KCNK13: variants seen among roughly 807,000 people sequenced by gnomAD.
KCNK13 encodes the protein potassium channel subfamily K member 13.
Under a neutral mutation model 23.4 loss-of-function variants are expected in KCNK13, and 12 were observed. That is an observed-to-expected ratio of 0.51 (90% CI 0.33 to 0.83). The LOEUF (loss-of-function observed/expected upper bound fraction) is 0.83, where lower values mean the gene tolerates loss of function less well. Ranked by LOEUF, KCNK13 falls within the 40% of genes least tolerant of loss-of-function variation. The pLI, the probability that KCNK13 is intolerant of heterozygous loss-of-function variation, is 0.02. For missense variants in KCNK13, 463 were observed against 556.3 expected, an observed-to-expected ratio of 0.83 and a Z score of 1.69; for synonymous variants, 231 against 229.5, an observed-to-expected ratio of 1.01 and a Z score of -0.06.
rs1395290281 is a variant in KCNK13 at position 90,185,121 on chromosome 14, C to T, written c.*118C>T. On this transcript the variant is annotated 3_prime_UTR_variant, in exon 2 of 2. Coordinates refer to ENST00000282146, the MANE Select transcript of KCNK13 (RefSeq NM_022054.4). ...CCTTCTGGGAGCTGTTCCCGGGAGC[C>T]TCCGCAAGCATCTTTAGAAATCTGA... is the stretch of plus-strand genomic sequence containing the variant. 5.5e-6 allele frequency: 5 copies of T among 904,236 alleles called. No homozygotes were observed. Among genetic ancestry groups the T allele is most frequent in the Non-Finnish European group, 7.9e-6 (5 of 631,200 alleles). 56.0% of individuals were successfully genotyped at this position (904,236 alleles called of 1,614,324 possible). A position where few individuals can be genotyped will look rare whatever the true frequency, so the allele number is the denominator to read the frequency against.
At position 90,117,667 on chromosome 14, in the gene KCNK13, T is replaced by C. The variant is rs1026540109; in HGVS notation, c.334+55128T>C. Among the ~76,000 whole-genome samples, 49 of 152,336 alleles carry C rather than the reference T, an allele frequency of 3.2e-4. 2 individuals are homozygous for C. The highest frequency in any genetic ancestry group is 1.2e-3 in the African/African-American group (48 of 41,578). The stretch of plus-strand genomic sequence containing the variant: ...TGGACCATAGTTGACCACAGGTAAC[T>C]GAAACCTCAGAAAGCAAAACCTTAC... On this transcript the variant is annotated intron_variant, in intron 1 of 1. Coordinates refer to ENST00000282146, the MANE Select transcript of KCNK13 (RefSeq NM_022054.4).
At chr14:90,156,258 A>T (rs576447017) in intron 1 of KCNK13, among the ~76,000 whole-genome samples, 86 of 151,792 alleles carry the variant, frequency 5.7e-4, no homozygotes, top group African/African-American at 1.9e-3. Flanking sequence ...TAAAATCATG[A>T]CACCAAATGA....
At chr14:90,122,929 A>G (rs893465923) in intron 1 of KCNK13, among the ~76,000 whole-genome samples, 1 of 152,012 alleles carries the variant, frequency 6.6e-6, no homozygotes, top group Non-Finnish European at 1.5e-5. Flanking sequence ...GTCACACACT[A>G]TCTCAGCACT....
chr14:90,152,962 C>G (rs1890153624), intron 1 of KCNK13, among the ~76,000 whole-genome samples: 2 of 152,156 alleles, frequency 1.3e-5, no homozygotes, highest in Admixed American at 1.3e-4. Context: ...TGACATTTCC[C>G]TAGCTTTGCC....
intron 1 of KCNK13, among the ~76,000 whole-genome samples, chr14:90,064,336 C>A (rs1190652194): frequency 8.6e-6 from 1 of 115,854 alleles, no homozygotes; most frequent in Non-Finnish European, 2.1e-5. Flanking sequence ...TCTCTTGGTG[C>A]TCCCAGTGGG....
chr14:90,122,320 ATT>A (rs34511761), intron 1 of KCNK13, among the ~76,000 whole-genome samples: 157 of 144,232 alleles, frequency 1.1e-3, no homozygotes, highest in Middle Eastern at 3.6e-3. Context: ...TTCACCCATA[ATT>A]TTTTTTTTTT....
chr14:90,097,728 G>C (rs1040458603), intron 1 of KCNK13, among the ~76,000 whole-genome samples: 1 of 152,060 alleles, frequency 6.6e-6, no homozygotes, highest in Non-Finnish European at 1.5e-5. Context: ...TGCCATTTGT[G>C]GACTAAGCAA....
At chr14:90,081,365 C>A (rs1253503885) in intron 1 of KCNK13, among the ~76,000 whole-genome samples, 3 of 152,166 alleles carry the variant, frequency 2.0e-5, no homozygotes, top group Admixed American at 1.3e-4. Flanking sequence ...AAGTAAAAAA[C>A]CAGTCTCCCT....
intron 1 of KCNK13, among the ~76,000 whole-genome samples, chr14:90,133,289 A>G (rs945813404): frequency 2.6e-5 from 4 of 152,212 alleles, no homozygotes; most frequent in Non-Finnish European, 4.4e-5. Context: ...GCAAAAGACC[A>G]TATACTGTGT....
chr14:90,154,363 T>C (rs752869097), intron 1 of KCNK13, among the ~76,000 whole-genome samples: 4 of 148,274 alleles, frequency 2.7e-5, no homozygotes, highest in Non-Finnish European at 6.0e-5. Flanking sequence ...GCCTGCTCTC[T>C]TAACACACAA....
chr14:90,131,958 C>A (rs2140423153), intron 1 of KCNK13, among the ~76,000 whole-genome samples: 1 of 152,310 alleles, frequency 6.6e-6, no homozygotes, highest in East Asian at 1.9e-4. Context: ...AAAGTAGGAT[C>A]TTGAAGAGAT....
At chr14:90,074,700 T>C (rs552105529) in intron 1 of KCNK13, among the ~76,000 whole-genome samples, 1 of 152,324 alleles carries the variant, frequency 6.6e-6, no homozygotes, top group Admixed American at 6.5e-5. Context: ...GTTTTTCTCT[T>C]ATGTTACTGA....
chr14:90,107,215 C>T (rs1483802114), intron 1 of KCNK13, among the ~76,000 whole-genome samples: 1 of 152,068 alleles, frequency 6.6e-6, no homozygotes, highest in Admixed American at 6.5e-5. Flanking sequence ...CATGGTGGCT[C>T]ATGCCTGTAA....
rs148779147 is a variant in KCNK13, at chr14:90,184,914, A to G, written c.1138A>G (p.Thr380Ala). The change falls in exon 2 of 2, where the codon ACA (threonine) becomes GCA (alanine). Residue 380 changes from threonine to alanine, a missense_variant. Thr to Ala is a moderately conservative substitution (Grantham distance 58). Around this residue, in one of 3 missense-constraint regions of KCNK13, gnomAD observed 166 missense variants for 178.8 expected, o/e 0.93. Coordinates refer to ENST00000282146, the MANE Select transcript of KCNK13 (RefSeq NM_022054.4). The surrounding 1 kb of genome is among the most constrained non-coding windows in gnomAD (Gnocchi z 5.6). ...CAACGGCTGCCCCCACCAGACCAGCACACTGGCCCGGGACAATGAATTCTC... is the reference window on the plus strand; with the variant it reads ...CAACGGCTGCCCCCACCAGACCAGCGCACTGGCCCGGGACAATGAATTCTC... ...MANGCPHQTSTLARDNEFSGG... is the reference protein window; with the variant it reads ...MANGCPHQTSALARDNEFSGG... 20 of 1,613,644 alleles carry G rather than the reference A, an allele frequency of 1.2e-5. No homozygotes were observed. The African/African-American group carries it at 2.3e-4, about 18-fold the overall frequency.
At chr14:90,157,702 CTTTT>C (rs34114368) in intron 1 of KCNK13, among the ~76,000 whole-genome samples, 1 of 100,348 alleles carries the variant, frequency 1.0e-5, no homozygotes. Context: ...CTTGGCTTTC[CTTTT>C]TTTTTTTTTT....
Position 90,184,776 on chromosome 14 carries a change from G to A in KCNK13, c.1000G>A (p.Glu334Lys). 1 of 1,613,432 alleles carries A rather than the reference G, an allele frequency of 6.2e-7. No individual in the cohort carries two copies. Among genetic ancestry groups the A allele is most frequent in the Non-Finnish European group, 8.5e-7 (1 of 1,179,426 alleles). The change falls in exon 2 of 2, where the codon GAG (glutamate) becomes AAG (lysine). Residue 334 changes from glutamate (E) to lysine (K), a missense_variant. Physicochemically the swap from Glu to Lys is moderately conservative, Grantham distance 56 (BLOSUM62 1). Transcript: ENST00000282146. This position sits in a 1 kb window ranked among gnomAD's most constrained non-coding sequence, Gnocchi z 5.6. ...NISIETDGVAESDTDGRRLSG... is the reference protein window; with the variant it reads ...NISIETDGVAKSDTDGRRLSG... ...CTCCATAGAGACAGACGGGGTGGCA[G>A]AGAGTGACACGGACGGGCGCCGGCT...
chr14:90,062,430 C>T lies in KCNK13; in HGVS notation c.225C>T (p.Leu75=), dbSNP rs1368233167. The stretch of plus-strand genomic sequence containing the variant: ...GCCGCGACGAGCTGCGCGGCTTCCT[C>T]CGCCACTACGAGGAGGCCACTCGGG... ...NLSRDELRGF[L]RHYEEATRAG... is the part of the protein sequence containing the mutation. Residue 75 remains leucine, a synonymous_variant, in exon 1 of 2, where the codon CTC becomes CTT. Transcript: ENST00000282146. The surrounding 1 kb of genome is among the most constrained non-coding windows in gnomAD (Gnocchi z 4.5). 3.9e-6 allele frequency: 6 copies of T among 1,547,386 alleles called. No individual in the cohort carries two copies. Among genetic ancestry groups the T allele is most frequent in the Non-Finnish European group, 5.2e-6 (6 of 1,146,188 alleles).
intron 1 of KCNK13, among the ~76,000 whole-genome samples, chr14:90,089,079 G>A (rs894612439): frequency 1.3e-5 from 2 of 152,176 alleles, no homozygotes; most frequent in African/African-American, 2.4e-5. Context: ...GTAGAGTGGG[G>A]CATTGCTGAA....
chr14:90,104,107 C>T (rs1301467701), intron 1 of KCNK13, among the ~76,000 whole-genome samples: 3 of 152,166 alleles, frequency 2.0e-5, no homozygotes, highest in Non-Finnish European at 4.4e-5. Context: ...TGATCTTACC[C>T]TTTTCTGAAA....
Sources: allele counts gnomAD v4.1 joint callset (sites outside exome capture counted in the v4.1 genomes callset), GRCh38; gene constraint gnomAD v4.1.1; regional missense constraint gnomAD v4.1.1; non-coding constraint Gnocchi (gnomAD v3.1); transcripts MANE v1.5; gene names NCBI Gene and HGNC (gene_info 2026-07-23, HGNC 2026-07-21).